Variants in ZFPM2 observed in about 807,000 individuals in gnomAD.
ZFPM2 encodes zinc finger protein, FOG family member 2.
A neutral mutation model predicts 98.6 loss-of-function variants in ZFPM2; 20 were observed. The observed-to-expected ratio is 0.20, with a 90% CI of 0.14 to 0.29. The LOEUF (loss-of-function observed/expected upper bound fraction) is 0.29, where lower values mean the gene tolerates loss of function less well. Among genes scored for constraint, ZFPM2 ranks in the 10% least tolerant of loss-of-function variants. The probability of loss-of-function intolerance (pLI) is 1.00; values close to 1 mark genes in which losing one functional copy is unlikely to be tolerated. For synonymous variants in ZFPM2, 518 were observed against 502.7 expected, an observed-to-expected ratio of 1.03 and a Z score of -0.41; for missense variants, 1,310 against 1,388.6, an observed-to-expected ratio of 0.94 and a Z score of 0.90.
At chr8:105,731,778 T>C (rs954095970) in intron 5 of ZFPM2, among the ~76,000 whole-genome samples, 6 of 151,780 alleles carry the variant, frequency 4.0e-5, no homozygotes, top group African/African-American at 1.4e-4. Flanking sequence ...AAAAATCACT[T>C]TGCATGTTTG....
intron 3 of ZFPM2, among the ~76,000 whole-genome samples, chr8:105,455,680 G>T (rs1812574961): frequency 6.6e-6 from 1 of 152,148 alleles, no homozygotes; most frequent in Non-Finnish European, 1.5e-5. Flanking sequence ...GATCACAGTG[G>T]CTTGTAGAGA....
chr8:105,714,270 C>T (rs1465423254), intron 5 of ZFPM2, among the ~76,000 whole-genome samples: 1 of 151,974 alleles, frequency 6.6e-6, no homozygotes, highest in African/African-American at 2.4e-5. Context: ...TCAGCTTGAA[C>T]CTCATTGGCT....
intron 5 of ZFPM2, among the ~76,000 whole-genome samples, chr8:105,661,410 T>C (rs888417156): frequency 4.6e-5 from 7 of 152,222 alleles, no homozygotes; most frequent in Non-Finnish European, 1.0e-4. Flanking sequence ...TCTGCGAATA[T>C]AGGTCTGCAT....
At chr8:105,414,926 C>T (rs578137662) in intron 1 of ZFPM2, 25 of 152,200 alleles carry the variant, frequency 1.6e-4, no homozygotes, top group African/African-American at 6.0e-4. Flanking sequence ...CCACCTTAGG[C>T]CCAGATTGCA....
chr8:105,467,830 C>T (rs1278061539), intron 3 of ZFPM2, among the ~76,000 whole-genome samples: 2 of 152,006 alleles, frequency 1.3e-5, no homozygotes, highest in African/African-American at 4.8e-5. Context: ...GTCTCCAAGT[C>T]TCTTTACTCT....
At chr8:105,653,795 A>G (rs1264659295) in intron 5 of ZFPM2, among the ~76,000 whole-genome samples, 1 of 151,684 alleles carries the variant, frequency 6.6e-6, no homozygotes, top group East Asian at 1.9e-4. Context: ...CATAAAGGAA[A>G]AATAAGAATG....
rs60218363 is a variant in ZFPM2, at chr8:105,653,854, CTTTTTTTTTTTTTT to C, written c.532+19517_532+19530del. Among the ~76,000 whole-genome samples the C allele has an allele frequency of 4.8e-4, 17 of 35,288 alleles. 2 individuals are homozygous for C. The South Asian group carries it at 0.021, about 44-fold the overall frequency. The allele number at this position is 35,288 out of a possible 152,430, so 23.2% of individuals were successfully genotyped here. A position where few individuals can be genotyped will look rare whatever the true frequency, so the allele number is the denominator to read the frequency against. On this transcript the variant is annotated intron_variant, in intron 5 of 7. Coordinates refer to ENST00000407775, the MANE Select transcript of ZFPM2 (RefSeq NM_012082.4). ...CTTTATACAACAGCTTGTGTGCTAT[CTTTTTTTTTTTTTT>C]TTTTTTTTTTTTTTTTTTTGGCACT...
At chr8:105,673,372 A>G (rs1817633291) in intron 5 of ZFPM2, among the ~76,000 whole-genome samples, 1 of 151,976 alleles carries the variant, frequency 6.6e-6, no homozygotes, top group South Asian at 2.1e-4. Flanking sequence ...ATAATCTTCA[A>G]AATGATAGTC....
intron 5 of ZFPM2, among the ~76,000 whole-genome samples, chr8:105,713,034 C>G (rs1676682776): frequency 6.6e-6 from 1 of 151,928 alleles, no homozygotes; most frequent in African/African-American, 2.4e-5. Flanking sequence ...ATTTTATTTT[C>G]CTTTGGGTAT....
rs1239215008 is a variant in ZFPM2 at position 105,407,795 on chromosome 8, A to T, written c.41-11349A>T. On this transcript the variant is annotated intron_variant, in intron 1 of 7. Transcript: ENST00000407775. ...CAACAGATTTGGTAAATGCATTTTGACTCTTACAGTTTAAGGGAGAAAATG... is the reference window on the plus strand; with the variant it reads ...CAACAGATTTGGTAAATGCATTTTGTCTCTTACAGTTTAAGGGAGAAAATG... Among the ~76,000 whole-genome samples the T allele has an allele frequency of 3.3e-5, 5 of 151,886 alleles. No individual in the cohort carries two copies. The South Asian group carries it at 8.3e-4, about 25-fold the overall frequency.
chr8:105,424,372 G>C (rs183519042), intron 2 of ZFPM2, among the ~76,000 whole-genome samples: 3 of 152,188 alleles, frequency 2.0e-5, no homozygotes, highest in Admixed American at 6.5e-5. Context: ...AATGGTCAGA[G>C]ACATTCTTGG....
At chr8:105,374,569 C>T (rs377320841) in intron 1 of ZFPM2, among the ~76,000 whole-genome samples, 23 of 151,954 alleles carry the variant, frequency 1.5e-4, no homozygotes, top group Non-Finnish European at 2.9e-4. Flanking sequence ...AATTTTTTGT[C>T]GAGATGGGAT....
chr8:105,322,166 C>T (rs558650836), intron 1 of ZFPM2, among the ~76,000 whole-genome samples: 2 of 152,228 alleles, frequency 1.3e-5, no homozygotes, highest in Admixed American at 6.5e-5. Flanking sequence ...CACAGCTGCT[C>T]GCTGTTGTTG....
rs1407281131 is a variant in ZFPM2, at chr8:105,803,550, A to T, written c.*12A>T. On this transcript the variant is annotated 3_prime_UTR_variant, in exon 8 of 8. Coordinates refer to ENST00000407775, the MANE Select transcript of ZFPM2 (RefSeq NM_012082.4). ...AACATGTCAAATGAACTAACTAAAC[A>T]TCAGTCACCTTTGGTATCAGTGTTT... is the stretch of plus-strand genomic sequence containing the variant. The T allele has an allele frequency of 6.3e-7, 1 of 1,596,300 alleles. No homozygotes were observed. The highest frequency in any genetic ancestry group is 1.3e-5 in the African/African-American group (1 of 74,820).
intron 5 of ZFPM2, among the ~76,000 whole-genome samples, chr8:105,638,940 C>T (rs1816899864): frequency 6.6e-6 from 1 of 152,056 alleles, no homozygotes; most frequent in African/African-American, 2.4e-5. Context: ...TCACCTACCC[C>T]TTGTCATTCC....
chr8:105,381,111 AT>A (rs1215739142), intron 1 of ZFPM2, among the ~76,000 whole-genome samples: 1 of 131,606 alleles, frequency 7.6e-6, no homozygotes, highest in East Asian at 2.4e-4. Context: ...GGTGTGTGAT[AT>A]TCCCCTCCCT....
At chr8:105,365,069 T>G (rs547938984) in intron 1 of ZFPM2, among the ~76,000 whole-genome samples, 21 of 152,286 alleles carry the variant, frequency 1.4e-4, no homozygotes, top group Non-Finnish European at 4.4e-5. Context: ...AAGACCAGCT[T>G]GGTTCATAAG....
At chr8:105,422,478 A>C (rs764416691) in intron 2 of ZFPM2, among the ~76,000 whole-genome samples, 3 of 152,118 alleles carry the variant, frequency 2.0e-5, no homozygotes, top group Non-Finnish European at 2.9e-5. Flanking sequence ...TCTTGGGTTC[A>C]TTAATGAAAC....
intron 2 of ZFPM2, among the ~76,000 whole-genome samples, chr8:105,437,565 C>G (rs1286062245): frequency 6.6e-6 from 1 of 152,326 alleles, no homozygotes; most frequent in Non-Finnish European, 1.5e-5. Context: ...GAAAGGACTT[C>G]ACTCAGTCGA....
Sources: gnomAD v4.1 joint callset for allele counts (sites outside exome capture counted in the v4.1 genomes callset) on GRCh38, gnomAD v4.1.1 for gene constraint, MANE v1.5 for transcripts, NCBI Gene and HGNC (gene_info 2026-07-23, HGNC 2026-07-21) for gene names.